The following SNW1 variants were observed in gnomAD, a reference collection of about 807,000 sequenced individuals.
The protein encoded by SNW1 is SNW domain containing 1.
In SNW1, 9 loss-of-function variants were observed where a neutral mutation model predicts 75.6. The observed-to-expected ratio is 0.12, with a 90% CI of 0.07 to 0.21. The LOEUF is 0.21. Among genes scored for constraint, SNW1 ranks in the 10% least tolerant of loss-of-function variants. SNW1 has a pLI of 1.00. For missense variants in SNW1, 409 were observed against 670.9 expected, an observed-to-expected ratio of 0.61 and a Z score of 4.31; for synonymous variants, 200 against 219.1, an observed-to-expected ratio of 0.91 and a Z score of 0.77.
chr14:77,756,927 A>G, intron 1 of SNW1, among the ~76,000 whole-genome samples: 1 of 152,238 alleles, frequency 6.6e-6, no homozygotes, highest in South Asian at 2.1e-4. Flanking sequence ...AAAGAATCAA[A>G]GCAGAAGCCC....
chr14:77,749,601 C>T (rs1314729272), intron 3 of SNW1, among the ~76,000 whole-genome samples: 1 of 151,968 alleles, frequency 6.6e-6, no homozygotes, highest in Non-Finnish European at 1.5e-5. Flanking sequence ...CCCATCTCTA[C>T]TAAAAATACA....
rs774685161 is a variant in SNW1 at position 77,751,384 on chromosome 14, G to C, written c.265C>G (p.Gln89Glu). 6 of 1,613,818 alleles carry C rather than the reference G, an allele frequency of 3.7e-6. No individual in the cohort carries two copies. The East Asian group carries it at 1.1e-4, about 30-fold the overall frequency. Residue 89 changes from glutamine to glutamate, a missense_variant, in exon 3 of 14, where the codon CAG becomes GAG. Gln to Glu is a conservative substitution (Grantham distance 29). This residue lies in a region of SNW1 where 60 missense variants were observed against 62.6 expected (regional missense o/e 0.96). Transcript: ENST00000261531. ...KKKMSNALAI[Q>E]VDSEGKIKYD... ...TTAATTTTTCCTTCAGAATCCACCTGAATGGCCAGCGCATTCGACATTTTT... is the reference window on the plus strand; with the variant it reads ...TTAATTTTTCCTTCAGAATCCACCTCAATGGCCAGCGCATTCGACATTTTT...
intron 1 of SNW1, among the ~76,000 whole-genome samples, chr14:77,758,480 GCACT>G (rs1165893769): frequency 1.3e-5 from 2 of 152,110 alleles, no homozygotes; most frequent in African/African-American, 4.8e-5. Context: ...TTGCATCTCA[GCACT>G]CTTGTCTCTG....
intron 10 of SNW1, chr14:77,730,750 A>G (rs1420113226): frequency 2.9e-5 from 12 of 408,372 alleles, no homozygotes; most frequent in Non-Finnish European, 5.2e-5. Context: ...TGAAAAGTAC[A>G]CTGCTCAGAA....
At chr14:77,747,041 C>T (rs550285145) in intron 3 of SNW1, among the ~76,000 whole-genome samples, 55 of 152,170 alleles carry the variant, frequency 3.6e-4, no homozygotes, top group African/African-American at 1.2e-3. Context: ...CTCAGCCTGC[C>T]GAGTGCCTGG....
chr14:77,760,309 T>G (rs1242445672), intron 1 of SNW1, among the ~76,000 whole-genome samples: 1 of 152,188 alleles, frequency 6.6e-6, no homozygotes. Flanking sequence ...GCTGATGTCC[T>G]GAAAGGATTA....
At position 77,718,007 on chromosome 14, in the gene SNW1, C is replaced by A. The variant is rs567106396; in HGVS notation, c.*81G>T. 3.1e-4 allele frequency: 421 copies of A among 1,340,032 alleles called. No individual in the cohort carries two copies. Among genetic ancestry groups the A allele is most frequent in the Non-Finnish European group, 4.0e-4 (394 of 988,034 alleles). 83.0% of individuals were successfully genotyped at this position (1,340,032 alleles called of 1,614,324 possible). On this transcript the variant is annotated 3_prime_UTR_variant, in exon 14 of 14. Transcript: ENST00000261531. Reference sequence around the variant, plus strand: ...CACCCAGATTTGGTTTTTATCCTGACCATTTACAAAGTGTTCCCCCATATG... The same window carrying A: ...CACCCAGATTTGGTTTTTATCCTGAACATTTACAAAGTGTTCCCCCATATG...
intron 12 of SNW1, among the ~76,000 whole-genome samples, chr14:77,718,731 A>C (rs1395528307): frequency 6.9e-6 from 1 of 144,848 alleles, no homozygotes; most frequent in Non-Finnish European, 1.5e-5. Context: ...TTTTTTTTTC[A>C]GACAGAGTCT....
At chr14:77,718,829 G>A (rs1448389397) in intron 12 of SNW1, among the ~76,000 whole-genome samples, 1 of 151,502 alleles carries the variant, frequency 6.6e-6, no homozygotes, top group Non-Finnish European at 1.5e-5. Context: ...TCCTGCCTCC[G>A]CCTCCCAGGT....
chr14:77,755,911 G>T (rs1166988436), intron 1 of SNW1, among the ~76,000 whole-genome samples: 2 of 151,256 alleles, frequency 1.3e-5, no homozygotes, highest in East Asian at 2.0e-4. Context: ...CCTAATTTTT[G>T]TATTTTTAGT....
intron 2 of SNW1, among the ~76,000 whole-genome samples, chr14:77,753,966 AT>A (rs1381228050): frequency 6.6e-6 from 1 of 151,986 alleles, no homozygotes; most frequent in Non-Finnish European, 1.5e-5. Context: ...AATAAAAAAA[AT>A]AAAAATTAAT....
intron 12 of SNW1, among the ~76,000 whole-genome samples, chr14:77,719,385 C>G (rs2080519058): frequency 6.6e-6 from 1 of 152,002 alleles, no homozygotes; most frequent in Admixed American, 6.5e-5. Context: ...CGCCTGTAAT[C>G]CCAGCACTTT....
chr14:77,718,070 C>T lies in SNW1; in HGVS notation c.*18G>A, dbSNP rs1027759879. On this transcript the variant is annotated 3_prime_UTR_variant, in exon 14 of 14. Transcript: ENST00000261531. ...AGGGTTATGGGTAAGAGTTCATTCA[C>T]TTTGGAGAGACCTGTGCCTATTCCT... 3.9e-6 allele frequency: 6 copies of T among 1,541,680 alleles called. No individual in the cohort carries two copies. In the Admixed American group the frequency reaches 1.1e-4, roughly 27 times the overall value.
chr14:77,756,099 C>A (rs2080840712), intron 1 of SNW1, among the ~76,000 whole-genome samples: 1 of 151,996 alleles, frequency 6.6e-6, no homozygotes, highest in South Asian at 2.1e-4. Flanking sequence ...GATAAACTGT[C>A]CAGTATATAC....
intron 1 of SNW1, chr14:77,760,552 G>C: frequency 3.0e-6 from 2 of 660,400 alleles, no homozygotes; most frequent in Non-Finnish European, 5.5e-6. Context: ...GAAATTCTAA[G>C]CTCCAAAGTT....
In SNW1 at chr14:77,736,912, T is replaced by C. The variant is rs549854115; in HGVS notation, c.638+59A>G. On this transcript the variant is annotated intron_variant, in intron 6 of 13. Coordinates refer to ENST00000261531, the MANE Select transcript of SNW1 (RefSeq NM_012245.3). ...TGCCTGGCTTCTTTCACTCAGCATA[T>C]TGTTTTGAGATTCATCCATGTTATT... 9 of 1,238,488 alleles carry C rather than the reference T, an allele frequency of 7.3e-6. No individual in the cohort carries two copies. In the South Asian group the frequency reaches 9.6e-5, roughly 13 times the overall value. 76.7% of individuals were successfully genotyped at this position (1,238,488 alleles called of 1,614,324 possible).
intron 3 of SNW1, among the ~76,000 whole-genome samples, chr14:77,747,186 C>T (rs572916806): frequency 3.9e-5 from 6 of 152,314 alleles, no homozygotes; most frequent in Non-Finnish European, 7.3e-5. Context: ...CCCGAGGTGC[C>T]GGGATTGCAG....
intron 5 of SNW1, among the ~76,000 whole-genome samples, chr14:77,737,991 CAAAAAAAAA>C (rs35896717): frequency 1.3e-5 from 1 of 74,164 alleles, no homozygotes; most frequent in East Asian, 3.7e-4. Context: ...GACTCCATCT[CAAAAAAAAA>C]AAAAAAAAAA....
intron 10 of SNW1, among the ~76,000 whole-genome samples, chr14:77,727,196 G>C (rs933004276): frequency 1.3e-5 from 2 of 152,108 alleles, no homozygotes; most frequent in Non-Finnish European, 2.9e-5. Context: ...TGGGATTACA[G>C]GTGAACGCCA....
Sources: gnomAD v4.1 joint callset for allele counts (sites outside exome capture counted in the v4.1 genomes callset) on GRCh38, gnomAD v4.1.1 for gene constraint, gnomAD v4.1.1 regional missense constraint, MANE v1.5 for transcripts, NCBI Gene and HGNC (gene_info 2026-07-23, HGNC 2026-07-21) for gene names.